Variants in KCNJ6 observed in about 807,000 individuals in gnomAD.
The protein encoded by KCNJ6 is G protein-activated inward rectifier potassium channel 2.
A neutral mutation model predicts 34.2 loss-of-function variants in KCNJ6; 9 were observed. The ratio of observed to expected loss-of-function variants is 0.26; its 90% CI spans 0.16 to 0.46. The LOEUF is 0.46. Among genes scored for constraint, KCNJ6 ranks in the 20% least tolerant of loss-of-function variants. KCNJ6 has a pLI of 1.00. For missense variants in KCNJ6, 236 were observed against 531.3 expected (o/e 0.44, Z 5.46); for synonymous variants, 196 against 207.1 (o/e 0.95, Z 0.46).
intron 2 of KCNJ6, among the ~76,000 whole-genome samples, chr21:37,744,795 G>A (rs1165231985): frequency 6.6e-6 from 1 of 152,192 alleles, no homozygotes; most frequent in East Asian, 1.9e-4. Flanking sequence ...ATTTCACTGA[G>A]TTGCAGGAAT....
In KCNJ6 at chr21:37,668,338, C is replaced by T. The variant is rs147265922; in HGVS notation, c.947-42854G>A. On this transcript the variant is annotated intron_variant, in intron 3 of 3. Transcript: ENST00000609713. Reference sequence around the variant, plus strand: ...TCCCCAGAACTGCCTCAAGGGAAACCACAGATGGCGCCTTAAATAACACAG... The same window carrying T: ...TCCCCAGAACTGCCTCAAGGGAAACTACAGATGGCGCCTTAAATAACACAG... Among the ~76,000 whole-genome samples, 419 of 152,222 alleles carry T rather than the reference C, an allele frequency of 2.8e-3. 2 individuals are homozygous for T. Among genetic ancestry groups the T allele is most frequent in the African/African-American group, 9.6e-3 (397 of 41,536 alleles).
At position 37,714,314 on chromosome 21, in the gene KCNJ6, A is replaced by G. The variant is rs767690337; in HGVS notation, c.843T>C (p.His281=). 17 of 1,614,106 alleles carry G rather than the reference A, an allele frequency of 1.1e-5. 1 individual carries two copies. In the South Asian group the frequency reaches 1.8e-4, roughly 17 times the overall value. Residue 281 remains histidine (H), a synonymous_variant, in exon 3 of 4, where the codon CAT becomes CAC. Transcript: ENST00000609713. The surrounding 1 kb of genome is among the most constrained non-coding windows in gnomAD (Gnocchi z 5.9). ...LFLVSPLIIS[H]EINQQSPFWE... is the part of the protein sequence containing the mutation. ...AGAAAGGACTCTGTTGGTTAATTTC[A>G]TGGCTAATGATCAGCGGTGACACCA... is the stretch of plus-strand genomic sequence containing the variant.
chr21:37,790,356 G>A (rs988393674), intron 2 of KCNJ6, among the ~76,000 whole-genome samples: 2 of 152,140 alleles, frequency 1.3e-5, no homozygotes, highest in African/African-American at 2.4e-5. Context: ...TCTGTCTGTC[G>A]TTTACCACCA....
chr21:37,859,463 T>TTTGATACTC lies in KCNJ6; in HGVS notation c.-27-18755_-27-18754insGAGTATCAA, dbSNP rs1358645480. ...AGGAAGGGTTTTTCATTGTCCACAA[T>TTTGATACTC]TTTAACTATGGGCTTATATTACTTT... On this transcript the variant is annotated intron_variant, in intron 1 of 3. Transcript: ENST00000609713. Among the ~76,000 whole-genome samples, 9 of 130,378 alleles carry TTTGATACTC rather than the reference T, an allele frequency of 6.9e-5. 1 individual carries two copies. The highest frequency in any genetic ancestry group is 2.4e-4 in the African/African-American group (8 of 33,152). The allele number at this position is 130,378 out of a possible 152,430, so 85.5% of individuals were successfully genotyped here. A position where few individuals can be genotyped will look rare whatever the true frequency, so the allele number is the denominator to read the frequency against.
intron 2 of KCNJ6, among the ~76,000 whole-genome samples, chr21:37,758,706 T>C (rs2055044478): frequency 6.6e-6 from 1 of 152,156 alleles, no homozygotes; most frequent in Admixed American, 6.5e-5. Context: ...GGTGCCGTGA[T>C]AGCTCACTGC....
chr21:37,679,863 A>G (rs2054583048), intron 3 of KCNJ6, among the ~76,000 whole-genome samples: 1 of 152,236 alleles, frequency 6.6e-6, no homozygotes, highest in Non-Finnish European at 1.5e-5. Context: ...AAAATCTTCA[A>G]CATTAACCTG....
At chr21:37,870,523 A>C (rs6517438) in intron 1 of KCNJ6, among the ~76,000 whole-genome samples, 69,154 of 151,780 alleles carry the variant, frequency 0.46, 16,731 homozygotes, top group East Asian at 0.61. Flanking sequence ...CCTTGCTTTC[A>C]GCACTGTTAG....
chr21:37,915,620 A>G (rs936373265), intron 1 of KCNJ6, among the ~76,000 whole-genome samples: 1 of 152,242 alleles, frequency 6.6e-6, no homozygotes, highest in Non-Finnish European at 1.5e-5. Flanking sequence ...CTGCGAGCCC[A>G]GGGATGCAGA....
chr21:37,908,449 C>T (rs2056642387), intron 1 of KCNJ6, among the ~76,000 whole-genome samples: 1 of 152,158 alleles, frequency 6.6e-6, no homozygotes, highest in African/African-American at 2.4e-5. Context: ...AGCCTATGGA[C>T]ATTTAGGGGA....
intron 3 of KCNJ6, among the ~76,000 whole-genome samples, chr21:37,651,551 G>A (rs949371787): frequency 1.6e-4 from 25 of 152,248 alleles, no homozygotes; most frequent in South Asian, 8.3e-4. Context: ...GCAGAGGAAG[G>A]GAGTGGAAGG....
At chr21:37,869,955 G>T (rs1221123576) in intron 1 of KCNJ6, among the ~76,000 whole-genome samples, 1 of 152,200 alleles carries the variant, frequency 6.6e-6, no homozygotes, top group African/African-American at 2.4e-5. Context: ...ATAGTAGGAA[G>T]TGAAAAGCAA....
intron 1 of KCNJ6, 47 bp from the exon 2 acceptor site, chr21:37,840,756 T>C: frequency 1.9e-6 from 2 of 1,060,722 alleles, no homozygotes; most frequent in Non-Finnish European, 2.9e-6. Flanking sequence ...ATGTCTTAGA[T>C]ATGAATTGAT....
chr21:37,703,833 C>T (rs1448372205), intron 3 of KCNJ6, among the ~76,000 whole-genome samples: 5 of 142 alleles, frequency 0.035, no homozygotes, highest in Non-Finnish European at 0.057. Context: ...CTGGCTGGCA[C>T]AGGGAACTCA....
chr21:37,816,849 A>C (rs2055349331), intron 2 of KCNJ6, among the ~76,000 whole-genome samples: 1 of 152,180 alleles, frequency 6.6e-6, no homozygotes, highest in Admixed American at 6.5e-5. Flanking sequence ...ATAGAGAAGC[A>C]AGCCCCCCGT....
At chr21:37,663,032 G>C (rs2054497075) in intron 3 of KCNJ6, among the ~76,000 whole-genome samples, 1 of 151,936 alleles carries the variant, frequency 6.6e-6, no homozygotes, top group Non-Finnish European at 1.5e-5. Context: ...CTGAGAGGGT[G>C]ATTAAAAAAT....
intron 2 of KCNJ6, among the ~76,000 whole-genome samples, chr21:37,766,041 TA>T (rs2055089182): frequency 6.6e-6 from 1 of 152,232 alleles, no homozygotes; most frequent in Admixed American, 6.5e-5. Context: ...AGCCTGTTGA[TA>T]AACATTTACC....
chr21:37,814,401 C>T lies in KCNJ6; in HGVS notation c.25+26257G>A, dbSNP rs144148615. On this transcript the variant is annotated intron_variant, in intron 2 of 3. Coordinates refer to ENST00000609713, the MANE Select transcript of KCNJ6 (RefSeq NM_002240.5). ...CTTAAAAAACTAAAAATTGGGCTAC[C>T]ATATGATCCAGCAATCCCACTGCTG... 4.9e-3 allele frequency among the ~76,000 whole-genome samples: 747 copies of T among 152,182 alleles called. 6 individuals are homozygous for T. Among genetic ancestry groups the T allele is most frequent in the African/African-American group, 0.017 (705 of 41,514 alleles).
intron 2 of KCNJ6, among the ~76,000 whole-genome samples, chr21:37,829,884 G>A (rs987768303): frequency 3.3e-5 from 5 of 152,210 alleles, no homozygotes; most frequent in African/African-American, 9.6e-5. Context: ...ACTTGGAAAG[G>A]CAAAATGAGT....
intron 2 of KCNJ6, among the ~76,000 whole-genome samples, chr21:37,828,683 G>A (rs553902867): frequency 4.6e-5 from 7 of 152,242 alleles, no homozygotes; most frequent in Non-Finnish European, 1.0e-4. Context: ...CCTCGTAGCT[G>A]CGCTCTGCGG....
Sources: gnomAD v4.1 joint callset for allele counts (sites outside exome capture counted in the v4.1 genomes callset) on GRCh38, gnomAD v4.1.1 for gene constraint, Gnocchi (gnomAD v3.1) non-coding constraint, MANE v1.5 for transcripts, NCBI Gene and HGNC (gene_info 2026-07-23, HGNC 2026-07-21) for gene names.